The following MAP2K4 variants were observed in gnomAD, a reference collection of about 807,000 sequenced individuals.
MAP2K4 encodes the protein mitogen-activated protein kinase kinase 4.
Under a neutral mutation model 48.5 loss-of-function variants are expected in MAP2K4, and 4 were observed. That is an observed-to-expected ratio of 0.08 (90% CI 0.04 to 0.19). MAP2K4 has a LOEUF of 0.19. Among genes scored for constraint, MAP2K4 ranks in the 10% least tolerant of loss-of-function variants. The pLI is 1.00. For synonymous variants in MAP2K4, 166 were observed against 173.1 expected, an observed-to-expected ratio of 0.96 and a Z score of 0.32; for missense variants, 258 against 493.3, an observed-to-expected ratio of 0.52 and a Z score of 4.52.
chr17:12,117,862 C>A (rs1438899977), intron 7 of MAP2K4, among the ~76,000 whole-genome samples: 3 of 152,142 alleles, frequency 2.0e-5, no homozygotes, highest in African/African-American at 7.2e-5. Flanking sequence ...TGCTGAAGTT[C>A]TGTGCTGAAA....
At chr17:12,061,406 T>C (rs888437705) in intron 2 of MAP2K4, among the ~76,000 whole-genome samples, 12 of 152,198 alleles carry the variant, frequency 7.9e-5, no homozygotes, top group African/African-American at 2.9e-4. Flanking sequence ...CTTCCATAAG[T>C]CAGCAATTCA....
chr17:12,129,073 C>T, intron 8 of MAP2K4, 66 bp from the exon 9 acceptor site: 1 of 1,514,444 alleles, frequency 6.6e-7, no homozygotes, highest in Non-Finnish European at 9.0e-7. Flanking sequence ...TTTTTTGTGG[C>T]CCTTCCAGTG....
intron 2 of MAP2K4, among the ~76,000 whole-genome samples, chr17:12,058,197 A>C (rs1970341439): frequency 6.6e-6 from 1 of 151,742 alleles, no homozygotes. Context: ...GGGAAGAATA[A>C]AGAGGAAAAG....
intron 3 of MAP2K4, among the ~76,000 whole-genome samples, chr17:12,086,639 T>C (rs1038738289): frequency 6.6e-6 from 1 of 152,132 alleles, no homozygotes; most frequent in Non-Finnish European, 1.5e-5. Flanking sequence ...CTCTGAGGAA[T>C]TAATAGGGGT....
In MAP2K4 at chr17:12,082,114, A is replaced by G. The variant is rs28923182; in HGVS notation, c.393+584A>G. On this transcript the variant is annotated intron_variant, in intron 3 of 10. Transcript: ENST00000353533. The stretch of plus-strand genomic sequence containing the variant: ...GATAATGTTGTCACATTTTGTCCTT[A>G]TTGTGTCGTGCCACTTAATATGTTC... 1.2e-3 allele frequency: 353 copies of G among 297,690 alleles called. 1 individual carries two copies. The highest frequency in any genetic ancestry group is 2.9e-3 in the Admixed American group (68 of 23,456). The allele number at this position is 297,690 out of a possible 1,614,324, so 18.4% of individuals were successfully genotyped here.
chr17:12,141,703 C>T lies in MAP2K4; in HGVS notation c.*443C>T, dbSNP rs1004076840. ...CGGGCTTGAGTGAGAAGAGCTTGCACAGCCAACGAGACACATTGCCTTCTG... is the reference window on the plus strand; with the variant it reads ...CGGGCTTGAGTGAGAAGAGCTTGCATAGCCAACGAGACACATTGCCTTCTG... On this transcript the variant is annotated 3_prime_UTR_variant, in exon 11 of 11. Transcript: ENST00000353533. The T allele has an allele frequency of 3.7e-5, 9 of 240,190 alleles. No individual in the cohort carries two copies. Among genetic ancestry groups the T allele is most frequent in the African/African-American group, 1.8e-4 (8 of 45,450 alleles). 14.9% of individuals were successfully genotyped at this position (240,190 alleles called of 1,614,324 possible).
At chr17:12,113,065 A>G (rs1972360031) in intron 6 of MAP2K4, 168 bp from the exon 7 acceptor site, 2 of 510,062 alleles carry the variant, frequency 3.9e-6, no homozygotes. Flanking sequence ...TAAAACATGA[A>G]TAATTATTGT....
At chr17:12,086,995 C>T (rs892083802) in intron 3 of MAP2K4, among the ~76,000 whole-genome samples, 7 of 152,082 alleles carry the variant, frequency 4.6e-5, no homozygotes, top group Admixed American at 1.3e-4. Context: ...TAAAGGCACG[C>T]ACCACCACAC....
At chr17:12,119,971 C>T (rs931150840) in intron 7 of MAP2K4, among the ~76,000 whole-genome samples, 1 of 152,120 alleles carries the variant, frequency 6.6e-6, no homozygotes, top group Non-Finnish European at 1.5e-5. Context: ...AACACATGGA[C>T]ACAAAGAGCA....
intron 7 of MAP2K4, chr17:12,115,904 T>G (rs1000815692): frequency 5.1e-6 from 3 of 586,508 alleles, no homozygotes; most frequent in Admixed American, 2.2e-5. Context: ...TAGTCCAGCC[T>G]GTGACCTTCC....
chr17:12,033,874 C>T (rs1174564474), intron 1 of MAP2K4, among the ~76,000 whole-genome samples: 2 of 152,182 alleles, frequency 1.3e-5, no homozygotes, highest in African/African-American at 2.4e-5. Flanking sequence ...AGCCCAGCCT[C>T]CAATTCCTGG....
intron 7 of MAP2K4, among the ~76,000 whole-genome samples, chr17:12,121,170 T>C (rs930676996): frequency 6.6e-6 from 1 of 152,228 alleles, no homozygotes; most frequent in African/African-American, 2.4e-5. Context: ...TGCACAAATT[T>C]ATTTAAAATA....
intron 3 of MAP2K4, among the ~76,000 whole-genome samples, chr17:12,086,856 G>A (rs1172976767): frequency 8.6e-6 from 1 of 115,928 alleles, no homozygotes; most frequent in African/African-American, 2.8e-5. Context: ...GTTTTGTTTT[G>A]TTTTGTTTTT....
In MAP2K4 at chr17:12,127,464, A is replaced by C. The variant is rs28921072; in HGVS notation, c.892-1675A>C. On this transcript the variant is annotated intron_variant, in intron 8 of 10. Coordinates refer to ENST00000353533, the MANE Select transcript of MAP2K4 (RefSeq NM_003010.4). Reference sequence around the variant, plus strand: ...CAAGTATGTACTTCTTTACAGAAAGAAAATTTTGTGAAAGGTTTTAACAGA... The same window carrying C: ...CAAGTATGTACTTCTTTACAGAAAGCAAATTTTGTGAAAGGTTTTAACAGA... 6.1e-3 allele frequency among the ~76,000 whole-genome samples: 922 copies of C among 152,356 alleles called. 9 individuals are homozygous for C. Among genetic ancestry groups the C allele is most frequent in the African/African-American group, 0.021 (884 of 41,578 alleles).
chr17:12,101,282 C>T (rs917359390), intron 4 of MAP2K4, among the ~76,000 whole-genome samples: 5 of 151,962 alleles, frequency 3.3e-5, no homozygotes, highest in African/African-American at 9.6e-5. Flanking sequence ...ATATCCTTTG[C>T]ACCTTTATCA....
chr17:12,027,664 T>G (rs8067785), intron 1 of MAP2K4, among the ~76,000 whole-genome samples: 14,632 of 152,222 alleles, frequency 0.096, 946 homozygotes, highest in Non-Finnish European at 0.14. Flanking sequence ...GGAGCTCCCC[T>G]GATGATTTTG....
intron 1 of MAP2K4, among the ~76,000 whole-genome samples, chr17:12,039,832 T>G (rs1453575007): frequency 2.0e-5 from 3 of 152,164 alleles, no homozygotes; most frequent in Non-Finnish European, 4.4e-5. Context: ...TCCTTACCAT[T>G]TTTTTTGTTT....
intron 1 of MAP2K4, among the ~76,000 whole-genome samples, chr17:12,023,331 A>C (rs958782203): frequency 6.6e-6 from 1 of 152,168 alleles, no homozygotes; most frequent in African/African-American, 2.4e-5. Flanking sequence ...AGGAAATCTT[A>C]TAAGAACCCA....
intron 6 of MAP2K4, among the ~76,000 whole-genome samples, chr17:12,112,046 A>G (rs1972323930): frequency 6.6e-6 from 1 of 152,204 alleles, no homozygotes; most frequent in Non-Finnish European, 1.5e-5. Context: ...TCATGCCCTT[A>G]AACCAGCTAC....
Sources: allele counts gnomAD v4.1 joint callset (sites outside exome capture counted in the v4.1 genomes callset), GRCh38; gene constraint gnomAD v4.1.1; transcripts MANE v1.5; gene names NCBI Gene and HGNC (gene_info 2026-07-23, HGNC 2026-07-21).